SERINC5: variants seen among roughly 807,000 people sequenced by gnomAD.
The protein encoded by SERINC5 is chromosome 5 open reading frame 12.
Under a neutral mutation model 63.1 loss-of-function variants are expected in SERINC5, and 41 were observed. The observed-to-expected ratio is 0.65, with a 90% CI of 0.51 to 0.84. SERINC5 has a LOEUF of 0.84. SERINC5 is among the 40% of genes least tolerant of loss of function. The pLI, the probability that SERINC5 is intolerant of heterozygous loss-of-function variation, is 0.00. For missense variants in SERINC5, 523 were observed against 573.0 expected (o/e 0.91, Z 0.89); for synonymous variants, 222 against 215.2 (o/e 1.03, Z -0.28).
At chr5:80,243,784 T>TA (rs1554072234) in intron 1 of SERINC5, among the ~76,000 whole-genome samples, 1 of 148,782 alleles carries the variant, frequency 6.7e-6, no homozygotes. Context: ...AATAAATAAA[T>TA]AAAACAAAAT....
intron 2 of SERINC5, among the ~76,000 whole-genome samples, chr5:80,184,122 A>G (rs1748650306): frequency 2.0e-5 from 3 of 152,080 alleles, no homozygotes; most frequent in Admixed American, 2.0e-4. Context: ...CGAGGAGGTA[A>G]TATTGCTTTG....
intron 7 of SERINC5, among the ~76,000 whole-genome samples, chr5:80,163,449 C>G (rs2112362766): frequency 6.6e-6 from 1 of 152,162 alleles, no homozygotes; most frequent in Non-Finnish European, 1.5e-5. Context: ...TTTCCCCACT[C>G]AGTATGATAC....
intron 1 of SERINC5, among the ~76,000 whole-genome samples, chr5:80,212,397 C>G (rs1750472688): frequency 6.6e-6 from 1 of 152,170 alleles, no homozygotes; most frequent in South Asian, 2.1e-4. Context: ...CTACAGAGTT[C>G]CACACCTTTC....
chr5:80,123,340 G>A (rs918542581), intron 11 of SERINC5, among the ~76,000 whole-genome samples: 7 of 152,130 alleles, frequency 4.6e-5, no homozygotes, highest in Admixed American at 2.6e-4. Context: ...CTCCTGGCTT[G>A]AAGAGATCCT....
Position 80,239,502 on chromosome 5 carries a change from G to A in SERINC5, c.27+16394C>T, listed in dbSNP as rs1006826877. Among the ~76,000 whole-genome samples, 2 of 142,104 alleles carry A rather than the reference G, an allele frequency of 1.4e-5. 1 individual carries two copies. Among genetic ancestry groups the A allele is most frequent in the African/African-American group, 5.3e-5 (2 of 37,860 alleles). The allele number at this position is 142,104 out of a possible 152,430, so 93.2% of individuals were successfully genotyped here. ...TTTTTTTTCATGTCACATGGGTAAT[G>A]TACCAACGACATGACAAGATTTAAG... On this transcript the variant is annotated intron_variant, in intron 1 of 11. Coordinates refer to ENST00000507668, the MANE Select transcript of SERINC5 (RefSeq NM_001174072.3).
At chr5:80,234,056 C>G (rs778244501) in intron 1 of SERINC5, among the ~76,000 whole-genome samples, 1 of 151,952 alleles carries the variant, frequency 6.6e-6, no homozygotes, top group Non-Finnish European at 1.5e-5. Context: ...GTGATCCGTC[C>G]GTCTCAGCCT....
intron 2 of SERINC5, among the ~76,000 whole-genome samples, chr5:80,195,494 G>C (rs1024180920): frequency 6.6e-6 from 1 of 151,932 alleles, no homozygotes; most frequent in Admixed American, 6.6e-5. Flanking sequence ...CTATACATAC[G>C]AGCTGCAGCC....
chr5:80,177,735 G>A, intron 3 of SERINC5, 151 bp downstream of exon 3: 1 of 658,686 alleles, frequency 1.5e-6, no homozygotes, highest in South Asian at 2.1e-5. Flanking sequence ...AGGCAACCAT[G>A]TGGGTAAGTA....
rs146199551 is a variant in SERINC5, at chr5:80,146,976, GCT to G, written c.1093+267_1093+268del. 7.4e-3 allele frequency among the ~76,000 whole-genome samples: 1,133 copies of G among 152,250 alleles called. 18 individuals carry two copies. Among genetic ancestry groups the G allele is most frequent in the African/African-American group, 0.026 (1,070 of 41,540 alleles). The stretch of plus-strand genomic sequence containing the variant: ...CAAATCACTCCTTTTTAAAAAATGT[GCT>G]CTCTGATTCTCTAAATCTCACTGTA... On this transcript the variant is annotated intron_variant, in intron 10 of 11. Transcript: ENST00000507668.
At chr5:80,228,887 A>C (rs771943601) in intron 1 of SERINC5, among the ~76,000 whole-genome samples, 2 of 152,192 alleles carry the variant, frequency 1.3e-5, no homozygotes, top group African/African-American at 2.4e-5. Context: ...CAAACTCTTC[A>C]AAGTTAACTA....
At position 80,140,257 on chromosome 5, in the gene SERINC5, A is replaced by T; in HGVS notation, c.*3406T>A. The T allele has an allele frequency of 2.2e-6, 2 of 914,756 alleles. No individual in the cohort carries two copies. The highest frequency in any genetic ancestry group is 2.6e-6 in the Non-Finnish European group (2 of 775,948). 56.7% of individuals were successfully genotyped at this position (914,756 alleles called of 1,614,324 possible). ...AGGAGGTCAAGCCTGCCATGAGTCA[A>T]GATCATGTCACTGCACTCCAGCGTG... On this transcript the variant is annotated 3_prime_UTR_variant, in exon 12 of 12. Coordinates refer to ENST00000507668, the MANE Select transcript of SERINC5 (RefSeq NM_001174072.3).
chr5:80,219,833 C>T (rs183077991), intron 1 of SERINC5, among the ~76,000 whole-genome samples: 27 of 151,856 alleles, frequency 1.8e-4, no homozygotes, highest in Middle Eastern at 3.4e-3. Flanking sequence ...CCTTACATCA[C>T]CACCCGCCAA....
At chr5:80,180,457 C>T (rs2112425827) in intron 2 of SERINC5, among the ~76,000 whole-genome samples, 1 of 152,300 alleles carries the variant, frequency 6.6e-6, no homozygotes, top group South Asian at 2.1e-4. Context: ...ATATCTGTGG[C>T]TATCACGATT....
rs370591654 is a variant in SERINC5, at chr5:80,169,363, C to T, written c.735G>A (p.Leu245=). ...VNGGLCLLIS[L]VAISPWVQNR... is the part of the protein sequence containing the mutation. ...TTTGGACCCAGGGTGAGATGGCTACCAATGATATAAGCAGGCACAGGCCTC... is the reference window on the plus strand; with the variant it reads ...TTTGGACCCAGGGTGAGATGGCTACTAATGATATAAGCAGGCACAGGCCTC... The change falls in exon 6 of 12, where the codon TTG becomes TTA. Residue 245 remains leucine, a synonymous_variant. Transcript: ENST00000507668. 1.6e-5 allele frequency: 26 copies of T among 1,613,780 alleles called. No homozygotes were observed. The highest frequency in any genetic ancestry group is 8.8e-5 in the South Asian group (8 of 91,080).
intron 11 of SERINC5, among the ~76,000 whole-genome samples, chr5:80,122,537 T>G (rs1744590035): frequency 6.6e-6 from 1 of 152,044 alleles, no homozygotes; most frequent in African/African-American, 2.4e-5. Context: ...AAGTTGACAC[T>G]CAGTATTAAC....
intron 1 of SERINC5, among the ~76,000 whole-genome samples, chr5:80,255,368 T>TA (rs1053752705): frequency 7.9e-5 from 12 of 151,532 alleles, no homozygotes; most frequent in African/African-American, 2.2e-4. Context: ...CTGCGCCCGG[T>TA]AGTTTGGAAG....
At chr5:80,166,168 C>T (rs981537548) in intron 7 of SERINC5, among the ~76,000 whole-genome samples, 1 of 152,124 alleles carries the variant, frequency 6.6e-6, no homozygotes, top group African/African-American at 2.4e-5. Context: ...TATAGTCACC[C>T]TGTTGTGCTA....
At chr5:80,156,858 T>C (rs1056239869) in intron 8 of SERINC5, 1 of 152,152 alleles carries the variant, frequency 6.6e-6, no homozygotes, top group Non-Finnish European at 1.5e-5. Flanking sequence ...TATGATAGGG[T>C]GAAAATTCCA....
chr5:80,185,080 G>A (rs1256058559), intron 2 of SERINC5, among the ~76,000 whole-genome samples: 7 of 152,022 alleles, frequency 4.6e-5, no homozygotes, highest in African/African-American at 1.7e-4. Flanking sequence ...TTGTCATGTT[G>A]GCCAGGCTGG....
Sources: gnomAD v4.1 joint callset for allele counts (sites outside exome capture counted in the v4.1 genomes callset) on GRCh38, gnomAD v4.1.1 for gene constraint, MANE v1.5 for transcripts, NCBI Gene and HGNC (gene_info 2026-07-23, HGNC 2026-07-21) for gene names.